FBXL7: variants seen among roughly 807,000 people sequenced by gnomAD.
FBXL7 encodes F-box/LRR-repeat protein 7.
FBXL7 carries 12 observed loss-of-function variants against 38.3 expected under a neutral mutation model. The observed-to-expected ratio is 0.31, with a 90% CI of 0.20 to 0.51. FBXL7 has a LOEUF of 0.51. Among genes scored for constraint, FBXL7 ranks in the 20% least tolerant of loss-of-function variants. FBXL7 has a pLI of 0.98. For synonymous variants in FBXL7, 297 were observed against 300.9 expected (o/e 0.99, Z 0.13); for missense variants, 567 against 676.4 (o/e 0.84, Z 1.79).
intron 2 of FBXL7, among the ~76,000 whole-genome samples, chr5:15,799,466 A>G (rs1737503049): frequency 7.0e-6 from 1 of 142,880 alleles, no homozygotes; most frequent in Non-Finnish European, 1.5e-5. Context: ...GATTCAAGTG[A>G]TTCTCCCTAC....
At chr5:15,604,805 C>T (rs1191229136) in intron 1 of FBXL7, among the ~76,000 whole-genome samples, 2 of 152,038 alleles carry the variant, frequency 1.3e-5, no homozygotes, top group Admixed American at 6.5e-5. Flanking sequence ...ACAGTCCTTC[C>T]GGCTCTCTCC....
intron 2 of FBXL7, among the ~76,000 whole-genome samples, chr5:15,805,097 T>C (rs1186058560): frequency 6.6e-6 from 1 of 152,132 alleles, no homozygotes; most frequent in African/African-American, 2.4e-5. Flanking sequence ...CCTTTTCTCA[T>C]AAGGACACCA....
intron 2 of FBXL7, among the ~76,000 whole-genome samples, chr5:15,681,573 G>T (rs529657224): frequency 4.6e-5 from 7 of 152,308 alleles, no homozygotes; most frequent in African/African-American, 1.7e-4. Flanking sequence ...TTACCAGTGG[G>T]AGGGACAATC....
intron 2 of FBXL7, among the ~76,000 whole-genome samples, chr5:15,636,660 A>G (rs1404946681): frequency 6.9e-6 from 1 of 144,764 alleles, no homozygotes; most frequent in Non-Finnish European, 1.5e-5. Flanking sequence ...TTCCTCTATC[A>G]TTTGTAGAAG....
intron 1 of FBXL7, among the ~76,000 whole-genome samples, chr5:15,513,748 G>A (rs532942332): frequency 1.4e-4 from 22 of 152,234 alleles, no homozygotes; most frequent in Middle Eastern, 3.4e-3. Flanking sequence ...CAGCTGCTCC[G>A]CTGGTCAAAA....
chr5:15,620,406 G>T (rs200578018), intron 2 of FBXL7, among the ~76,000 whole-genome samples: 5,214 of 116,268 alleles, frequency 0.045, 283 homozygotes, highest in African/African-American at 0.14. Flanking sequence ...CTAATTTTTT[G>T]TTTTTTGTTT....
chr5:15,629,106 C>T (rs999705819), intron 2 of FBXL7, among the ~76,000 whole-genome samples: 2 of 149,342 alleles, frequency 1.3e-5, no homozygotes, highest in East Asian at 2.0e-4. Context: ...GGTGAGACCT[C>T]GTTTCTACAA....
intron 1 of FBXL7, among the ~76,000 whole-genome samples, chr5:15,614,069 T>C (rs1740357174): frequency 6.6e-6 from 1 of 152,154 alleles, no homozygotes; most frequent in African/African-American, 2.4e-5. Flanking sequence ...CCTTGGGGAT[T>C]AGGATTTCAA....
At chr5:15,818,895 C>G (rs1216241427) in intron 2 of FBXL7, among the ~76,000 whole-genome samples, 4 of 152,050 alleles carry the variant, frequency 2.6e-5, no homozygotes, top group African/African-American at 9.7e-5. Context: ...GCAGTTAACC[C>G]AATGGCCTCC....
chr5:15,712,079 G>A (rs573942786), intron 2 of FBXL7, among the ~76,000 whole-genome samples: 1 of 152,246 alleles, frequency 6.6e-6, no homozygotes, highest in Non-Finnish European at 1.5e-5. Flanking sequence ...GGAGATCCCA[G>A]AGCTTATGTT....
intron 2 of FBXL7, among the ~76,000 whole-genome samples, chr5:15,653,532 G>C (rs1161322147): frequency 1.3e-5 from 2 of 152,098 alleles, no homozygotes; most frequent in Non-Finnish European, 2.9e-5. Flanking sequence ...TGATAGCAAG[G>C]CTATCAAAAT....
intron 1 of FBXL7, among the ~76,000 whole-genome samples, chr5:15,506,425 A>G (rs1736652488): frequency 6.6e-6 from 1 of 152,188 alleles, no homozygotes; most frequent in Non-Finnish European, 1.5e-5. Context: ...TATTTCTGGA[A>G]ATGTTTATTT....
At chr5:15,653,401 C>T (rs1392358998) in intron 2 of FBXL7, among the ~76,000 whole-genome samples, 1 of 152,008 alleles carries the variant, frequency 6.6e-6, no homozygotes, top group Non-Finnish European at 1.5e-5. Flanking sequence ...CTACTATTAC[C>T]CACAGGAAAG....
chr5:15,791,705 G>A (rs1737280798), intron 2 of FBXL7, among the ~76,000 whole-genome samples: 1 of 152,142 alleles, frequency 6.6e-6, no homozygotes, highest in South Asian at 2.1e-4. Context: ...CTGGGGAGAA[G>A]ACTTTGTGTG....
chr5:15,689,320 A>C (rs901646777), intron 2 of FBXL7, among the ~76,000 whole-genome samples: 8 of 151,526 alleles, frequency 5.3e-5, no homozygotes, highest in African/African-American at 1.9e-4. Context: ...CAGTGTGATA[A>C]AAGGAGAAAA....
intron 2 of FBXL7, among the ~76,000 whole-genome samples, chr5:15,855,844 G>A (rs1356504805): frequency 6.6e-6 from 1 of 152,046 alleles, no homozygotes; most frequent in African/African-American, 2.4e-5. Context: ...AATAAGAACA[G>A]AGAGTTTAAA....
At chr5:15,858,844 G>A (rs1739352236) in intron 2 of FBXL7, among the ~76,000 whole-genome samples, 1 of 151,948 alleles carries the variant, frequency 6.6e-6, no homozygotes, top group African/African-American at 2.4e-5. Context: ...TGGATGCTCA[G>A]TGACCACCGG....
At position 15,938,354 on chromosome 5, in the gene FBXL7, CG is replaced by C. The variant is rs1207209791; in HGVS notation, c.*1169del. 6.6e-6 allele frequency: 1 copy of C among 152,214 alleles called. No individual in the cohort carries two copies. Among genetic ancestry groups the C allele is most frequent in the Non-Finnish European group, 1.5e-5 (1 of 68,048 alleles). 9.4% of individuals were successfully genotyped at this position (152,214 alleles called of 1,614,324 possible). A position where few individuals can be genotyped will look rare whatever the true frequency, so the allele number is the denominator to read the frequency against. On this transcript the variant is annotated 3_prime_UTR_variant, in exon 4 of 4. Coordinates refer to ENST00000504595, the MANE Select transcript of FBXL7 (RefSeq NM_012304.5). The stretch of plus-strand genomic sequence containing the variant: ...GTCCTCAAAAGTTTTTCTGATCCCT[CG>C]CCTTGCACACCTGGCATGCATCAGG...
At chr5:15,863,648 G>C (rs1739576934) in intron 2 of FBXL7, among the ~76,000 whole-genome samples, 2 of 152,180 alleles carry the variant, frequency 1.3e-5, no homozygotes, top group Admixed American at 1.3e-4. Context: ...TGTCAGTCCT[G>C]GGAGGTGGGG....
Sources: allele counts gnomAD v4.1 joint callset (sites outside exome capture counted in the v4.1 genomes callset), GRCh38; gene constraint gnomAD v4.1.1; transcripts MANE v1.5; gene names NCBI Gene and HGNC (gene_info 2026-07-23, HGNC 2026-07-21).